LRRC66: variants seen among roughly 807,000 people sequenced by gnomAD.
The protein encoded by LRRC66 is leucine-rich repeat-containing protein 66.
A neutral mutation model predicts 24.6 loss-of-function variants in LRRC66; 29 were observed. That is an observed-to-expected ratio of 1.18 (90% CI 0.88 to 1.61). LRRC66 has a LOEUF of 1.61. Ranked by LOEUF, LRRC66 falls within the 40% of genes most tolerant of loss-of-function variation. The pLI, the probability that LRRC66 is intolerant of heterozygous loss-of-function variation, is 0.00. For synonymous variants in LRRC66, 411 were observed against 397.6 expected (o/e 1.03, Z -0.40); for missense variants, 1,124 against 1,058.0 (o/e 1.06, Z -0.87).
At position 52,017,154 on chromosome 4, in the gene LRRC66, T is replaced by C; in HGVS notation, c.460A>G (p.Ile154Val). The change falls in exon 2 of 5, where the codon ATT (isoleucine) becomes GTT (valine). Residue 154 changes from isoleucine (I) to valine (V), a missense_variant. Transcript: ENST00000682860. ...RNRFPLLKVL[I>V]LQRNKLSDTP... ...TCACTGAGTTTATTTCTTTGAAGAA[T>C]GAGCACCTTCAGCAATGGAAACCTG... The C allele has an allele frequency of 6.2e-7, 1 of 1,613,988 alleles. No individual in the cohort carries two copies. The highest frequency in any genetic ancestry group is 8.5e-7 in the Non-Finnish European group (1 of 1,179,948).
At chr4:52,016,686 T>C (rs897445302) in intron 2 of LRRC66, among the ~76,000 whole-genome samples, 1 of 152,144 alleles carries the variant, frequency 6.6e-6, no homozygotes, top group African/African-American at 2.4e-5. Context: ...GACAACTAGA[T>C]AGACTGAGGC....
Position 51,994,466 on chromosome 4 carries a change from T to C in LRRC66, c.2556A>G (p.Leu852=), listed in dbSNP as rs1324518727. The part of the protein sequence containing the change: ...RDLEFSNVDV[L]QQTPPCSAEV... ...CAGCAGAACATGGTGGTGTTTGCTG[T>C]AAAACGTCCACATTTGAAAATTCTA... Residue 852 remains leucine, a synonymous_variant, in exon 5 of 5, where the codon TTA becomes TTG. Coordinates refer to ENST00000682860, the MANE Select transcript of LRRC66 (RefSeq NM_001024611.3). 1.2e-6 allele frequency: 2 copies of C among 1,614,230 alleles called. No individual in the cohort carries two copies. Among genetic ancestry groups the C allele is most frequent in the South Asian group, 1.1e-5 (1 of 91,080 alleles).
At position 51,995,538 on chromosome 4, in the gene LRRC66, G is replaced by T. The variant is rs762171816; in HGVS notation, c.1484C>A (p.Thr495Asn). The T allele has an allele frequency of 3.1e-6, 5 of 1,614,010 alleles. No homozygotes were observed. Among genetic ancestry groups the T allele is most frequent in the Non-Finnish European group, 4.2e-6 (5 of 1,180,030 alleles). Residue 495 changes from threonine to asparagine, a missense_variant, in exon 5 of 5, where the codon ACC becomes AAC. Physicochemically the swap from Thr to Asn is moderately conservative, Grantham distance 65. Transcript: ENST00000682860. Reference protein sequence around the residue: ...SQSPGQCGDNTGAGSGNDGAV... With the variant: ...SQSPGQCGDNNGAGSGNDGAV... ...ACCATCATTTCCACTTCCTGCCCCG[G>T]TGTTGTCCCCGCACTGTCCTGGGCT...
Position 51,994,895 on chromosome 4 carries a change from A to T in LRRC66, c.2127T>A (p.Ser709=). 5.0e-6 allele frequency: 8 copies of T among 1,614,172 alleles called. No homozygotes were observed. Among genetic ancestry groups the T allele is most frequent in the Non-Finnish European group, 4.2e-6 (5 of 1,180,030 alleles). ...LESDCDSDEG[S]LFTLSSISSE... is the part of the protein sequence containing the mutation. Reference sequence around the variant, plus strand: ...AACTTATGGAGCTCAGAGTGAACAGAGACCCCTCATCAGAGTCACAGTCAC... The same window carrying T: ...AACTTATGGAGCTCAGAGTGAACAGTGACCCCTCATCAGAGTCACAGTCAC... Residue 709 remains serine, a synonymous_variant, in exon 5 of 5, where the codon TCT becomes TCA. Coordinates refer to ENST00000682860, the MANE Select transcript of LRRC66 (RefSeq NM_001024611.3).
At chr4:52,007,352 T>G (rs1736612019) in intron 2 of LRRC66, among the ~76,000 whole-genome samples, 1 of 152,096 alleles carries the variant, frequency 6.6e-6, no homozygotes, top group African/African-American at 2.4e-5. Context: ...CTATTTTTTT[T>G]TCTTTTAATT....
In LRRC66 at chr4:51,994,876, T is replaced by C. The variant is rs773143246; in HGVS notation, c.2146A>G (p.Ile716Val). 40 of 1,614,090 alleles carry C rather than the reference T, an allele frequency of 2.5e-5. No individual in the cohort carries two copies. Among genetic ancestry groups the C allele is most frequent in the Non-Finnish European group, 2.7e-5 (32 of 1,180,048 alleles). The part of the protein sequence containing the change: ...DEGSLFTLSS[I>V]SSESARSKTE... ...TTGCTCCTTGCACTCTCTGAACTTA[T>C]GGAGCTCAGAGTGAACAGAGACCCC... The change falls in exon 5 of 5, where the codon ATA (isoleucine) becomes GTA (valine). Residue 716 changes from isoleucine (I) to valine (V), a missense_variant. Coordinates refer to ENST00000682860, the MANE Select transcript of LRRC66 (RefSeq NM_001024611.3).
chr4:52,004,480 T>A (rs1038142881), intron 2 of LRRC66, among the ~76,000 whole-genome samples: 1 of 152,238 alleles, frequency 6.6e-6, no homozygotes, highest in Non-Finnish European at 1.5e-5. Context: ...TTCACTTGAT[T>A]TCAGAGAGTA....
rs1578114110 is a variant in LRRC66 at position 52,003,159 on chromosome 4, A to G, written c.666+64T>C. On this transcript the variant is annotated intron_variant, in intron 3 of 4. Transcript: ENST00000682860. ...CATGAAGAAACTCTTCAATAGAAAT[A>G]TGCTTCTAATGTAATTGCCCATGTG... The G allele has an allele frequency of 4.7e-6, 6 of 1,280,284 alleles. No individual in the cohort carries two copies. In the East Asian group the frequency reaches 1.2e-4, roughly 25 times the overall value. 79.3% of individuals were successfully genotyped at this position (1,280,284 alleles called of 1,614,324 possible).
At chr4:52,019,659 G>A (rs962667370) in intron 1 of LRRC66, among the ~76,000 whole-genome samples, 10 of 152,064 alleles carry the variant, frequency 6.6e-5, no homozygotes, top group African/African-American at 2.4e-4. Flanking sequence ...GAATTGATTT[G>A]CCCAGGAACA....
chr4:51,997,570 T>A (rs183920263), intron 4 of LRRC66, among the ~76,000 whole-genome samples, 178 bp downstream of exon 4: 21 of 152,308 alleles, frequency 1.4e-4, no homozygotes, highest in Admixed American at 3.9e-4. Context: ...ATTGATGAAC[T>A]GAGGAAAATA....
rs765283339 is a variant in LRRC66 at position 51,996,033 on chromosome 4, G to A, written c.989C>T (p.Thr330Met). 6.8e-6 allele frequency: 11 copies of A among 1,613,896 alleles called. No homozygotes were observed. The highest frequency in any genetic ancestry group is 9.3e-6 in the Non-Finnish European group (11 of 1,179,960). The change falls in exon 5 of 5, where the codon ACG becomes ATG. Residue 330 changes from threonine to methionine, a missense_variant. Physicochemically the swap from Thr to Met is moderately conservative, Grantham distance 81. Coordinates refer to ENST00000682860, the MANE Select transcript of LRRC66 (RefSeq NM_001024611.3). ...KAERPQGGRH[T>M]GISTLGKKAK... ...CTTCTTCCCCAGAGTAGAAATGCCC[G>A]TGTGCCTTCCTCCCTGGGGCCTCTC... is the stretch of plus-strand genomic sequence containing the variant.
At position 52,017,759 on chromosome 4, in the gene LRRC66, T is replaced by C. The variant is rs1439769536; in HGVS notation, c.-5-141A>G. ...CAATTTAAGCGAATGTTTGATTTCT[T>C]ACTGGGGCATGAAAATGTAGCTACC... On this transcript the variant is annotated intron_variant, in intron 1 of 4. Transcript: ENST00000682860. 5.1e-6 allele frequency: 7 copies of C among 1,371,750 alleles called. No homozygotes were observed. In the African/African-American group the frequency reaches 5.9e-5, roughly 12 times the overall value. 85.0% of individuals were successfully genotyped at this position (1,371,750 alleles called of 1,614,324 possible). A position where few individuals can be genotyped will look rare whatever the true frequency, so the allele number is the denominator to read the frequency against.
At chr4:51,997,972 G>A (rs765980203) in intron 3 of LRRC66, 35 bp from the exon 4 acceptor site, 2 of 1,548,494 alleles carry the variant, frequency 1.3e-6, no homozygotes, top group Non-Finnish European at 1.8e-6. Flanking sequence ...GATGGTCTGT[G>A]GATAAAGACA....
At chr4:52,008,013 A>T (rs912775597) in intron 2 of LRRC66, among the ~76,000 whole-genome samples, 2 of 152,056 alleles carry the variant, frequency 1.3e-5, no homozygotes, top group African/African-American at 4.8e-5. Flanking sequence ...AAAGTTGTTT[A>T]GTGAGATCTG....
rs149412886 is a variant in LRRC66 at position 52,000,624 on chromosome 4, A to G, written c.666+2599T>C. On this transcript the variant is annotated intron_variant, in intron 3 of 4. Transcript: ENST00000682860. Reference sequence around the variant, plus strand: ...TCCTCGATGGCTCTGAAGCAAGCTGACATGTTGTGAACAGCCCTATGGAGA... The same window carrying G: ...TCCTCGATGGCTCTGAAGCAAGCTGGCATGTTGTGAACAGCCCTATGGAGA... 7.9e-3 allele frequency among the ~76,000 whole-genome samples: 1,209 copies of G among 152,344 alleles called. 11 individuals are homozygous for G. The highest frequency in any genetic ancestry group is 0.024 in the Middle Eastern group (7 of 294).
Position 51,995,690 on chromosome 4 carries a change from T to A in LRRC66, c.1332A>T (p.Gln444His). The change falls in exon 5 of 5, where the codon CAA (glutamine) becomes CAT (histidine). Residue 444 changes from glutamine to histidine, a missense_variant. Gln to His is a conservative substitution (Grantham distance 24). Transcript: ENST00000682860. ...HTPHPETHLR[Q>H]VFPHLSLYEN... Reference sequence around the variant, plus strand: ...CGTAGAGGCTTAGATGAGGAAATACTTGGCGCAGATGGGTCTCTGGGTGTG... The same window carrying A: ...CGTAGAGGCTTAGATGAGGAAATACATGGCGCAGATGGGTCTCTGGGTGTG... 1 of 1,614,176 alleles carries A rather than the reference T, an allele frequency of 6.2e-7. No homozygotes were observed. The highest frequency in any genetic ancestry group is 8.5e-7 in the Non-Finnish European group (1 of 1,180,038).
intron 2 of LRRC66, among the ~76,000 whole-genome samples, chr4:52,005,143 G>A (rs950736946): frequency 6.6e-6 from 1 of 152,190 alleles, no homozygotes; most frequent in African/African-American, 2.4e-5. Flanking sequence ...TGTTTGGCCT[G>A]CATAGTGATT....
At chr4:52,007,075 C>G (rs1442153706) in intron 2 of LRRC66, among the ~76,000 whole-genome samples, 2 of 152,162 alleles carry the variant, frequency 1.3e-5, no homozygotes, top group African/African-American at 4.8e-5. Context: ...ATGAAATTGC[C>G]AGATGTATTG....
At chr4:52,020,079 AGCTGAAGTAGGAG>A in intron 1 of LRRC66, among the ~76,000 whole-genome samples, 1 of 152,170 alleles carries the variant, frequency 6.6e-6, no homozygotes, top group South Asian at 2.1e-4. Flanking sequence ...GAAATAGTCA[AGCTGAAGTAGGAG>A]GAAGCAGTTA....
Sources: gnomAD v4.1 joint callset for allele counts (sites outside exome capture counted in the v4.1 genomes callset) on GRCh38, gnomAD v4.1.1 for gene constraint, MANE v1.5 for transcripts, NCBI Gene and HGNC (gene_info 2026-07-23, HGNC 2026-07-21) for gene names.